Variants in TOMM5 observed in about 807,000 individuals in gnomAD.
TOMM5 encodes the protein mitochondrial import receptor subunit TOM5 homolog.
In TOMM5, 1 loss-of-function variant was observed where a neutral mutation model predicts 4.8. The observed-to-expected ratio is 0.21, with a 90% CI of 0.07 to 0.99. TOMM5 has a LOEUF of 0.99. TOMM5 is among the 50% of genes least tolerant of loss of function. The pLI is 0.60. For synonymous variants in TOMM5, 26 were observed against 26.7 expected, an observed-to-expected ratio of 0.97 and a Z score of 0.08; for missense variants, 60 against 66.6, an observed-to-expected ratio of 0.90 and a Z score of 0.35.
At chr9:37,591,475 G>A (rs1247256862) in intron 1 of TOMM5, among the ~76,000 whole-genome samples, 4 of 152,072 alleles carry the variant, frequency 2.6e-5, no homozygotes, top group Non-Finnish European at 5.9e-5. Context: ...TGGATCACCT[G>A]AGGTCAGGAG....
In TOMM5 at chr9:37,588,743, G is replaced by T; in HGVS notation, c.*155C>A. ...AATAGTTTTATATTTTAGCTTTGAA[G>T]GTCAGTTACCAGAGCCAAACTTGTT... On this transcript the variant is annotated 3_prime_UTR_variant, in exon 2 of 2. Transcript: ENST00000321301. The T allele has an allele frequency of 1.3e-6, 1 of 749,438 alleles. No homozygotes were observed. The highest frequency in any genetic ancestry group is 2.4e-6 in the Non-Finnish European group (1 of 415,918). The allele number at this position is 749,438 out of a possible 1,614,324, so 46.4% of individuals were successfully genotyped here. A position where few individuals can be genotyped will look rare whatever the true frequency, so the allele number is the denominator to read the frequency against.
At chr9:37,592,391 C>A (rs1378833147) in intron 1 of TOMM5, 21 bp downstream of exon 1, 3 of 1,613,820 alleles carry the variant, frequency 1.9e-6, no homozygotes, top group African/African-American at 1.3e-5. Context: ...GTCTCACAGT[C>A]ACAGCCCGGG....
intron 1 of TOMM5, among the ~76,000 whole-genome samples, chr9:37,590,830 A>G (rs1823088840): frequency 1.3e-5 from 2 of 152,212 alleles, no homozygotes; most frequent in African/African-American, 4.8e-5. Flanking sequence ...GTGAAAGCAG[A>G]GTAATACCAT....
Position 37,588,757 on chromosome 9 carries a change from G to T in TOMM5, c.*141C>A. ...TTAGCTTTGAAGGTCAGTTACCAGA[G>T]CCAAACTTGTTCTTAACAAGCAGAA... On this transcript the variant is annotated 3_prime_UTR_variant, in exon 2 of 2. Transcript: ENST00000321301. 1.2e-6 allele frequency: 1 copy of T among 836,294 alleles called. No homozygotes were observed. Among genetic ancestry groups the T allele is most frequent in the Non-Finnish European group, 2.0e-6 (1 of 488,158 alleles). The allele number at this position is 836,294 out of a possible 1,614,324, so 51.8% of individuals were successfully genotyped here.
chr9:37,592,373 C>T (rs776738515), intron 1 of TOMM5, 39 bp downstream of exon 1: 2 of 1,613,222 alleles, frequency 1.2e-6, no homozygotes, highest in Middle Eastern at 1.6e-4. Context: ...TCGGTGAGCT[C>T]CCCGCTGGTC....
chr9:37,590,252 C>T (rs1823079852), intron 1 of TOMM5, among the ~76,000 whole-genome samples: 1 of 151,954 alleles, frequency 6.6e-6, no homozygotes, highest in Non-Finnish European at 1.5e-5. Flanking sequence ...ATTAGCAGGG[C>T]GTGGTGGTGT....
intron 1 of TOMM5, among the ~76,000 whole-genome samples, chr9:37,591,663 G>T (rs1267159517): frequency 1.3e-5 from 2 of 148,648 alleles, no homozygotes; most frequent in African/African-American, 5.0e-5. Context: ...CTGCACTCCA[G>T]CCTGGGCAAC....
intron 1 of TOMM5, among the ~76,000 whole-genome samples, chr9:37,589,171 T>C (rs1185138230): frequency 2.0e-5 from 3 of 152,260 alleles, no homozygotes; most frequent in Admixed American, 6.5e-5. Context: ...TCCAGATAGT[T>C]TGCCCCTTAG....
chr9:37,590,363 AC>A (rs1823081308), intron 1 of TOMM5, among the ~76,000 whole-genome samples: 2 of 152,018 alleles, frequency 1.3e-5, no homozygotes, highest in Non-Finnish European at 2.9e-5. Flanking sequence ...TGCAGCCTCC[AC>A]CTCTGCACAC....
intron 1 of TOMM5, among the ~76,000 whole-genome samples, chr9:37,591,925 T>C (rs1823109475): frequency 6.6e-6 from 1 of 152,078 alleles, no homozygotes; most frequent in Non-Finnish European, 1.5e-5. Context: ...AGCTCAAACA[T>C]TCTTTTTTTT....
chr9:37,592,179 G>C, intron 1 of TOMM5: 1 of 1,474,286 alleles, frequency 6.8e-7, no homozygotes, highest in Admixed American at 2.2e-5. Flanking sequence ...TCTTCAAGCT[G>C]GGAGAACCAG....
In TOMM5 at chr9:37,590,289, G is replaced by A. The variant is rs551228300; in HGVS notation, c.122-1357C>T. Among the ~76,000 whole-genome samples, 6 of 152,280 alleles carry A rather than the reference G, an allele frequency of 3.9e-5. No individual in the cohort carries two copies. The East Asian group carries it at 7.7e-4, about 20-fold the overall frequency. On this transcript the variant is annotated intron_variant, in intron 1 of 1. Transcript: ENST00000321301. ...TGCCTGCAGTCTCAATTACTCAGGA[G>A]GCTGAAGTAGGAGGATCACTTACTT...
chr9:37,590,544 G>A (rs1823084284), intron 1 of TOMM5, among the ~76,000 whole-genome samples: 1 of 152,168 alleles, frequency 6.6e-6, no homozygotes, highest in Admixed American at 6.5e-5. Context: ...AGAAAATACT[G>A]TCAAATTGTG....
intron 1 of TOMM5, 107 bp downstream of exon 1, chr9:37,592,305 G>A: frequency 6.3e-7 from 1 of 1,576,012 alleles, no homozygotes; most frequent in South Asian, 1.2e-5. Context: ...CTTGCTCCCC[G>A]CTACCGTTCA....
At position 37,588,766 on chromosome 9, in the gene TOMM5, G is replaced by A; in HGVS notation, c.*132C>T. On this transcript the variant is annotated 3_prime_UTR_variant, in exon 2 of 2. Coordinates refer to ENST00000321301, the MANE Select transcript of TOMM5 (RefSeq NM_001001790.3). ...AAGGTCAGTTACCAGAGCCAAACTT[G>A]TTCTTAACAAGCAGAATTTTATGTC... 1.1e-6 allele frequency: 1 copy of A among 906,398 alleles called. No individual in the cohort carries two copies. Among genetic ancestry groups the A allele is most frequent in the Non-Finnish European group, 1.8e-6 (1 of 547,464 alleles). The allele number at this position is 906,398 out of a possible 1,614,324, so 56.1% of individuals were successfully genotyped here.
rs768617656 is a variant in TOMM5 at position 37,592,437 on chromosome 9, G to A, written c.96C>T (p.Leu32=). The change falls in exon 1 of 2, where the codon CTC becomes CTT. Residue 32 remains leucine (L), a synonymous_variant. Transcript: ENST00000321301. ...TGACTCGCAGGAGGGCCACGTAGAT[G>A]AGAAAGTTCCGTATGGAGGAGATCA... ...EDVISSIRNF[L]IYVALLRVTP... 1.6e-5 allele frequency: 26 copies of A among 1,614,186 alleles called. No individual in the cohort carries two copies. The highest frequency in any genetic ancestry group is 1.9e-5 in the Non-Finnish European group (22 of 1,180,028).
intron 1 of TOMM5, among the ~76,000 whole-genome samples, chr9:37,589,222 G>T (rs1823063137): frequency 6.6e-6 from 1 of 152,172 alleles, no homozygotes; most frequent in South Asian, 2.1e-4. Flanking sequence ...AAATGACAAG[G>T]CTTTACTCTA....
At chr9:37,591,895 A>G (rs566281515) in intron 1 of TOMM5, among the ~76,000 whole-genome samples, 2 of 151,968 alleles carry the variant, frequency 1.3e-5, no homozygotes, top group Non-Finnish European at 2.9e-5. Flanking sequence ...TCCTCTAGGG[A>G]TAATTACTTG....
rs753243254 is a variant in TOMM5, at chr9:37,592,496, G to A, written c.37C>T (p.Pro13Ser). The stretch of plus-strand genomic sequence containing the variant: ...CGCATCTTCCGTTTCATCTCCTCCG[G>A]GTCCAGCTTCGGCGCGAGGCCCTCA... ...RIEGLAPKLDPEEMKRKMRED... is the reference protein window; with the variant it reads ...RIEGLAPKLDSEEMKRKMRED... The change falls in exon 1 of 2, where the codon CCG becomes TCG. Residue 13 changes from proline (P) to serine (S), a missense_variant. By Grantham distance (74) the Pro-to-Ser change is moderately conservative. Transcript: ENST00000321301. 1 of 1,613,944 alleles carries A rather than the reference G, an allele frequency of 6.2e-7. No individual in the cohort carries two copies. The highest frequency in any genetic ancestry group is 8.5e-7 in the Non-Finnish European group (1 of 1,179,996).
Sources: gnomAD v4.1 joint callset for allele counts (sites outside exome capture counted in the v4.1 genomes callset) on GRCh38, gnomAD v4.1.1 for gene constraint, MANE v1.5 for transcripts, NCBI Gene and HGNC (gene_info 2026-07-23, HGNC 2026-07-21) for gene names.